Variants in TAFA1 observed in about 807,000 individuals in gnomAD.
The protein encoded by TAFA1 is chemokine-like protein TAFA-1.
Under a neutral mutation model 18.5 loss-of-function variants are expected in TAFA1, and 4 were observed. That is an observed-to-expected ratio of 0.22 (90% confidence interval 0.11 to 0.49). The LOEUF is 0.49. Ranked by LOEUF, TAFA1 falls within the 20% of genes least tolerant of loss-of-function variation. TAFA1 has a pLI of 0.98. For synonymous variants in TAFA1, 56 were observed against 55.2 expected (o/e 1.01, Z -0.06); for missense variants, 147 against 169.0 (o/e 0.87, Z 0.72).
intron 2 of TAFA1, among the ~76,000 whole-genome samples, chr3:68,310,882 T>A (rs1323713841): frequency 3.3e-5 from 5 of 152,180 alleles, no homozygotes; most frequent in Non-Finnish European, 5.9e-5. Flanking sequence ...TGTCAAGTGT[T>A]TACGTATGCT....
intron 3 of TAFA1, among the ~76,000 whole-genome samples, chr3:68,479,241 A>ATATATATATAT (rs1553695290): frequency 1.3e-4 from 16 of 123,662 alleles, no homozygotes; most frequent in African/African-American, 5.8e-4. Flanking sequence ...AAAAAAAAAA[A>ATATATATATAT]ATATATATAT....
At chr3:68,034,092 G>A (rs1013707914) in intron 2 of TAFA1, among the ~76,000 whole-genome samples, 11 of 152,088 alleles carry the variant, frequency 7.2e-5, no homozygotes, top group African/African-American at 2.7e-4. Context: ...GTACAAAATT[G>A]CCTACTTGCT....
intron 3 of TAFA1, among the ~76,000 whole-genome samples, chr3:68,432,056 A>T (rs150280752): frequency 0.014 from 2,182 of 152,010 alleles, 40 homozygotes; most frequent in East Asian, 0.056. Context: ...GGTTAATATT[A>T]TTATTATTAT....
At chr3:68,206,870 C>T (rs1401339373) in intron 2 of TAFA1, among the ~76,000 whole-genome samples, 6 of 151,868 alleles carry the variant, frequency 4.0e-5, no homozygotes, top group Non-Finnish European at 8.8e-5. Flanking sequence ...TGCTGATTGG[C>T]TAGACCTAGT....
chr3:68,269,425 A>G (rs1325119736), intron 2 of TAFA1, among the ~76,000 whole-genome samples: 1 of 152,174 alleles, frequency 6.6e-6, no homozygotes, highest in Non-Finnish European at 1.5e-5. Flanking sequence ...CTATGATTGC[A>G]CCACTGTACT....
intron 2 of TAFA1, among the ~76,000 whole-genome samples, chr3:68,361,103 G>GT (rs1269778312): frequency 6.6e-6 from 1 of 151,914 alleles, no homozygotes; most frequent in African/African-American, 2.4e-5. Flanking sequence ...TATTGTATAG[G>GT]TGGGAAGTCA....
At chr3:68,274,674 G>C (rs2067758335) in intron 2 of TAFA1, among the ~76,000 whole-genome samples, 1 of 152,134 alleles carries the variant, frequency 6.6e-6, no homozygotes, top group Non-Finnish European at 1.5e-5. Context: ...TTTCACAAAA[G>C]TAGTGAGGAT....
intron 2 of TAFA1, among the ~76,000 whole-genome samples, chr3:68,238,061 C>T (rs551140135): frequency 1.3e-5 from 2 of 151,922 alleles, no homozygotes; most frequent in Non-Finnish European, 2.9e-5. Flanking sequence ...AATACTGAAA[C>T]CTAACGTTCA....
intron 2 of TAFA1, among the ~76,000 whole-genome samples, chr3:68,326,138 G>T (rs1485239359): frequency 1.3e-5 from 2 of 152,168 alleles, no homozygotes; most frequent in Admixed American, 1.3e-4. Flanking sequence ...CCCAAATGTT[G>T]TTTCCCTAAA....
At position 68,436,751 on chromosome 3, in the gene TAFA1, T is replaced by C. The variant is rs149471836; in HGVS notation, c.259+19331T>C. On this transcript the variant is annotated intron_variant, in intron 3 of 4. Coordinates refer to ENST00000478136, the MANE Select transcript of TAFA1 (RefSeq NM_213609.4). Reference sequence around the variant, plus strand: ...AACCAACAGATGTCTCTGTGGAAAGTTGTGATTAAGTCAACATAGAGCTTC... The same window carrying C: ...AACCAACAGATGTCTCTGTGGAAAGCTGTGATTAAGTCAACATAGAGCTTC... 6.0e-3 allele frequency among the ~76,000 whole-genome samples: 912 copies of C among 152,276 alleles called. 13 individuals are homozygous for C. The highest frequency in any genetic ancestry group is 0.02 in the African/African-American group (843 of 41,554).
chr3:68,034,104 C>T (rs1444253007), intron 2 of TAFA1, among the ~76,000 whole-genome samples: 1 of 152,124 alleles, frequency 6.6e-6, no homozygotes, highest in Non-Finnish European at 1.5e-5. Context: ...CTACTTGCTA[C>T]CCATAACCAC....
intron 2 of TAFA1, among the ~76,000 whole-genome samples, chr3:68,264,331 T>C (rs1485251831): frequency 3.3e-5 from 5 of 152,164 alleles, no homozygotes; most frequent in Admixed American, 6.5e-5. Context: ...TTTGTGGAGA[T>C]GGCAAATATT....
At chr3:68,064,199 G>A (rs778076690) in intron 2 of TAFA1, among the ~76,000 whole-genome samples, 8 of 152,172 alleles carry the variant, frequency 5.3e-5, no homozygotes, top group Admixed American at 6.5e-5. Context: ...GACGGCCAAC[G>A]TGGATCACGT....
intron 2 of TAFA1, among the ~76,000 whole-genome samples, chr3:68,107,889 G>C (rs11718992): frequency 0.053 from 8,016 of 152,096 alleles, 282 homozygotes; most frequent in South Asian, 0.17. Context: ...TTTTACAGAG[G>C]CCCTTGGATG....
chr3:68,167,424 A>G (rs1177738335), intron 2 of TAFA1, among the ~76,000 whole-genome samples: 2 of 152,098 alleles, frequency 1.3e-5, no homozygotes, highest in Non-Finnish European at 1.5e-5. Context: ...TAAAAATACA[A>G]AAAATTGCCG....
At chr3:68,091,656 TG>T (rs1575611826) in intron 2 of TAFA1, among the ~76,000 whole-genome samples, 1 of 152,088 alleles carries the variant, frequency 6.6e-6, no homozygotes, top group East Asian at 1.9e-4. Context: ...CCACTACAAA[TG>T]AATGAATGAA....
chr3:68,291,768 C>A (rs538608149), intron 2 of TAFA1, among the ~76,000 whole-genome samples: 1 of 152,122 alleles, frequency 6.6e-6, no homozygotes, highest in East Asian at 1.9e-4. Flanking sequence ...GTCCCTAAAA[C>A]CACAAATCAT....
At chr3:68,036,696 C>G (rs1035258827) in intron 2 of TAFA1, among the ~76,000 whole-genome samples, 14 of 152,062 alleles carry the variant, frequency 9.2e-5, no homozygotes, top group African/African-American at 2.7e-4. Flanking sequence ...TGCACAATTA[C>G]TGGTGAAGGT....
chr3:68,097,042 G>A (rs2065094662), intron 2 of TAFA1, among the ~76,000 whole-genome samples: 2 of 152,040 alleles, frequency 1.3e-5, no homozygotes, highest in Admixed American at 1.3e-4. Context: ...GTGCTTCTGT[G>A]AGCTGAGAGA....
Sources: gnomAD v4.1 joint callset for allele counts (sites outside exome capture counted in the v4.1 genomes callset) on GRCh38, gnomAD v4.1.1 for gene constraint, MANE v1.5 for transcripts, NCBI Gene and HGNC (gene_info 2026-07-23, HGNC 2026-07-21) for gene names.